The following AFF2 variants were observed in gnomAD, a reference collection of about 807,000 sequenced individuals.
AFF2 encodes ALF transcription elongation factor 2, also known as AF4/FMR2 family member 2.
A neutral mutation model predicts 76.9 loss-of-function variants in AFF2; 14 were observed. The observed-to-expected ratio is 0.18, with a 90% CI of 0.12 to 0.28. AFF2 has a LOEUF of 0.28. AFF2 is among the 10% of genes least tolerant of loss of function. The pLI, the probability that AFF2 is intolerant of heterozygous loss-of-function variation, is 1.00. For missense variants in AFF2, 868 were observed against 1,001.1 expected (o/e 0.87, Z 1.79); for synonymous variants, 398 against 366.7 (o/e 1.09, Z -0.98).
chrX:148,680,730 G>A (rs2054538051), intron 3 of AFF2, among the ~76,000 whole-genome samples: 2 of 111,271 alleles, frequency 1.8e-5, no homozygotes, highest in African/African-American at 6.5e-5. Flanking sequence ...AATCAGGGTT[G>A]CAGGAGAGTT....
intron 9 of AFF2, among the ~76,000 whole-genome samples, chrX:148,932,621 C>T (rs2071726734): frequency 8.9e-6 from 1 of 111,878 alleles, no homozygotes; most frequent in Non-Finnish European, 1.9e-5. Context: ...CAGCATTATT[C>T]CTATCTCTTC....
intron 1 of AFF2, among the ~76,000 whole-genome samples, chrX:148,506,209 C>T (rs1375696671): frequency 8.9e-6 from 1 of 111,786 alleles, no homozygotes; most frequent in Admixed American, 9.5e-5. Flanking sequence ...ATGGAGCTGA[C>T]TCCAGAGCCT....
chrX:148,804,026 G>A (rs2070095368), intron 3 of AFF2, among the ~76,000 whole-genome samples: 1 of 111,467 alleles, frequency 9.0e-6, no homozygotes, highest in Admixed American at 9.5e-5. Flanking sequence ...AGTTTACAAG[G>A]CAACCAAACT....
intron 7 of AFF2, among the ~76,000 whole-genome samples, chrX:148,860,636 A>G (rs1156649357): frequency 2.7e-5 from 3 of 112,295 alleles, no homozygotes; most frequent in African/African-American, 6.5e-5. Context: ...AATATTTTAA[A>G]TAGTGTGCTG....
chrX:148,605,583 G>T (rs781871074), intron 1 of AFF2, among the ~76,000 whole-genome samples: 1 of 111,472 alleles, frequency 9.0e-6, no homozygotes, highest in African/African-American at 3.3e-5. Flanking sequence ...AATTGAGTCC[G>T]GCACTGGGGC....
At position 148,956,241 on chromosome X, in the gene AFF2, C is replaced by T. The variant is rs202015083; in HGVS notation, c.2196C>T (p.Val732=). ...TDQEETLQIK[V]LPPCIISGGN... ...AGGAAGAGACCCTGCAAATCAAAGT[C>T]CTGCCTCCGTGCATTATTTCTGGAG... Residue 732 remains valine, a synonymous_variant, in exon 11 of 21, where the codon GTC becomes GTT. Coordinates refer to ENST00000370460, the MANE Select transcript of AFF2 (RefSeq NM_002025.4). 1.3e-4 allele frequency: 155 copies of T among 1,209,827 alleles called. No individual in the cohort carries two copies. In the East Asian group the frequency reaches 3.9e-3, roughly 30 times the overall value.
chrX:148,827,189 C>T (rs2070398345), intron 4 of AFF2, among the ~76,000 whole-genome samples: 1 of 111,128 alleles, frequency 9.0e-6, no homozygotes, highest in East Asian at 2.8e-4. Context: ...TTACTGACCT[C>T]AGGAATAATG....
chrX:148,977,925 C>T lies in AFF2; in HGVS notation c.3405-8C>T. The T allele has an allele frequency of 8.4e-7, 1 of 1,188,853 alleles. No individual in the cohort carries two copies. The highest frequency in any genetic ancestry group is 1.1e-6 in the Non-Finnish European group (1 of 874,896). ...GATTCCACTTTAGCTTTTCTTTTCTCTTCAAAGGTATGCAATGAGGCTGAA... is the reference window on the plus strand; with the variant it reads ...GATTCCACTTTAGCTTTTCTTTTCTTTTCAAAGGTATGCAATGAGGCTGAA... On this transcript the variant is annotated splice_polypyrimidine_tract_variant and splice_region_variant and intron_variant, in intron 16 of 20. Transcript: ENST00000370460.
intron 13 of AFF2, among the ~76,000 whole-genome samples, chrX:148,966,483 CT>C (rs2072174222): frequency 9.1e-6 from 1 of 109,743 alleles, no homozygotes; most frequent in Admixed American, 9.7e-5. Context: ...TCTTCCTTCC[CT>C]TTCCCCTCAC....
chrX:148,977,866 C>T, intron 16 of AFF2, 67 bp from the exon 17 acceptor site: 1 of 791,146 alleles, frequency 1.3e-6, no homozygotes, highest in South Asian at 2.2e-5. Flanking sequence ...AATCAGAATA[C>T]CAGTGACTTT....
intron 3 of AFF2, among the ~76,000 whole-genome samples, chrX:148,731,301 G>A (rs968620416): frequency 6.3e-5 from 7 of 111,841 alleles, no homozygotes; most frequent in Non-Finnish European, 1.3e-4. Context: ...ATCTAAATGA[G>A]TTGCTTTCAT....
intron 7 of AFF2, among the ~76,000 whole-genome samples, chrX:148,860,217 C>T (rs138830025): frequency 8.9e-6 from 1 of 111,852 alleles, no homozygotes; most frequent in Non-Finnish European, 1.9e-5. Flanking sequence ...CGATCAAATA[C>T]GGCCTTGTTC....
chrX:148,995,485 G>GGGGGT lies in AFF2; in HGVS notation c.*4157_*4158insTGGGG, dbSNP rs1459243058. The GGGGGT allele has an allele frequency of 3.0e-4, 27 of 89,625 alleles. No homozygotes were observed. The highest frequency in any genetic ancestry group is 1.0e-3 in the African/African-American group (22 of 21,072). The allele number at this position is 89,625 out of a possible 1,213,427, so 7.4% of individuals were successfully genotyped here. ...GGGAGGGCAGAAAGGGGGTGGGGGT[G>GGGGGT]GGGGCGGGGGGGTGGGGGGTGGGGA... is the stretch of plus-strand genomic sequence containing the variant. On this transcript the variant is annotated 3_prime_UTR_variant, in exon 21 of 21. Coordinates refer to ENST00000370460, the MANE Select transcript of AFF2 (RefSeq NM_002025.4).
intron 3 of AFF2, among the ~76,000 whole-genome samples, chrX:148,790,679 G>A (rs782699809): frequency 9.2e-6 from 1 of 108,733 alleles, no homozygotes; most frequent in South Asian, 4.2e-4. Flanking sequence ...CACTCACTGG[G>A]GCCTGTTGGG....
intron 1 of AFF2, among the ~76,000 whole-genome samples, chrX:148,637,115 C>T (rs999142202): frequency 1.8e-5 from 2 of 111,922 alleles, no homozygotes; most frequent in Admixed American, 9.5e-5. Flanking sequence ...GTTAACTATG[C>T]ACCAGTGATG....
Position 148,995,820 on chromosome X carries a change from C to T in AFF2, c.*4488C>T, listed in dbSNP as rs1415166975. The T allele has an allele frequency of 8.9e-6, 1 of 112,809 alleles. No homozygotes were observed. The highest frequency in any genetic ancestry group is 1.9e-5 in the Non-Finnish European group (1 of 53,319). The allele number at this position is 112,809 out of a possible 1,213,427, so 9.3% of individuals were successfully genotyped here. On this transcript the variant is annotated 3_prime_UTR_variant, in exon 21 of 21. Coordinates refer to ENST00000370460, the MANE Select transcript of AFF2 (RefSeq NM_002025.4). ...GAAGTGAAGGAAGCCTACGTCCAGG[C>T]CCCTGACAGGATGCTGCAGTAGCAA...
chrX:148,923,749 A>G (rs1387564910), intron 9 of AFF2, among the ~76,000 whole-genome samples: 3 of 112,113 alleles, frequency 2.7e-5, no homozygotes, highest in Non-Finnish European at 5.6e-5. Flanking sequence ...TTTGCCTAGA[A>G]GAGTTTTATT....
chrX:148,571,854 A>G (rs1557242567), intron 1 of AFF2, among the ~76,000 whole-genome samples: 1 of 111,278 alleles, frequency 9.0e-6, no homozygotes, highest in African/African-American at 3.3e-5. Context: ...CTCTAGATCC[A>G]CCTACATATA....
chrX:148,714,733 A>G (rs2055008041), intron 3 of AFF2, among the ~76,000 whole-genome samples: 1 of 111,908 alleles, frequency 8.9e-6, no homozygotes, highest in Admixed American at 9.5e-5. Flanking sequence ...CCAGAATGTC[A>G]GGAGCTTCCT....
Sources: gnomAD v4.1 joint callset for allele counts (sites outside exome capture counted in the v4.1 genomes callset) on GRCh38, gnomAD v4.1.1 for gene constraint, MANE v1.5 for transcripts, NCBI Gene and HGNC (gene_info 2026-07-23, HGNC 2026-07-21) for gene names.